Variants in GRB10 observed in about 807,000 individuals in gnomAD.
GRB10 encodes growth factor receptor-bound protein 10.
GRB10 carries 20 observed loss-of-function variants against 80.9 expected under a neutral mutation model. The observed-to-expected ratio is 0.25, with a 90% CI of 0.17 to 0.36. The LOEUF is 0.36. GRB10 is among the 10% of genes least tolerant of loss of function. The pLI is 1.00. For missense variants in GRB10, 548 were observed against 747.7 expected, an observed-to-expected ratio of 0.73 and a Z score of 3.12; for synonymous variants, 291 against 291.5, an observed-to-expected ratio of 1.00 and a Z score of 0.02.
chr7:50,775,072 G>T (rs1449682850), intron 2 of GRB10, among the ~76,000 whole-genome samples: 1 of 147,472 alleles, frequency 6.8e-6, no homozygotes, highest in African/African-American at 2.5e-5. Flanking sequence ...GAAGTGGGAA[G>T]ATAGCTTGAG....
intron 18 of GRB10, among the ~76,000 whole-genome samples, chr7:50,593,946 TAC>T (rs1241641319): frequency 6.6e-6 from 1 of 151,634 alleles, no homozygotes. Flanking sequence ...ATTTGGGCAT[TAC>T]ACACTCTGCC....
intron 3 of GRB10, among the ~76,000 whole-genome samples, chr7:50,737,757 G>A (rs1196384659): frequency 1.3e-5 from 2 of 152,224 alleles, no homozygotes; most frequent in Non-Finnish European, 2.9e-5. Context: ...GCTGAAGCAG[G>A]AGAATTGCTT....
At chr7:50,665,861 G>A (rs1047658378) in intron 7 of GRB10, among the ~76,000 whole-genome samples, 6 of 152,176 alleles carry the variant, frequency 3.9e-5, no homozygotes, top group East Asian at 1.9e-4. Context: ...CCCCCTTTGC[G>A]CCGGTGTACG....
Position 50,623,346 on chromosome 7 carries a change from T to C in GRB10, c.661+3476A>G, listed in dbSNP as rs1288658698. 8.5e-5 allele frequency among the ~76,000 whole-genome samples: 13 copies of C among 152,332 alleles called. No homozygotes were observed. In the East Asian group the frequency reaches 2.3e-3, roughly 27 times the overall value. ...GACCATCATTCACTAGGGCTTCACC[T>C]ACCAGGGCAAGGGGCTTTGCAACAA... On this transcript the variant is annotated intron_variant, in intron 8 of 18. Coordinates refer to ENST00000401949, the MANE Select transcript of GRB10 (RefSeq NM_001350814.2).
At chr7:50,678,845 T>C (rs932693511) in intron 5 of GRB10, among the ~76,000 whole-genome samples, 2 of 152,180 alleles carry the variant, frequency 1.3e-5, no homozygotes, top group African/African-American at 4.8e-5. Flanking sequence ...AGTGGATCAA[T>C]AATCACCCAT....
intron 2 of GRB10, among the ~76,000 whole-genome samples, chr7:50,757,718 G>A (rs939532986): frequency 9.2e-5 from 14 of 152,232 alleles, no homozygotes; most frequent in African/African-American, 3.4e-4. Flanking sequence ...GAGGGTCTGT[G>A]ACATGGCAAT....
intron 7 of GRB10, among the ~76,000 whole-genome samples, chr7:50,628,901 T>A (rs2053498421): frequency 2.6e-5 from 4 of 152,190 alleles, no homozygotes; most frequent in Admixed American, 6.5e-5. Flanking sequence ...GCTGAATAAG[T>A]CTACAGAAAT....
chr7:50,669,996 G>T, intron 6 of GRB10, 133 bp from the exon 7 acceptor site: 2 of 1,150,684 alleles, frequency 1.7e-6, no homozygotes, highest in Non-Finnish European at 2.5e-6. Context: ...GTTCACAGTG[G>T]CATCCTTCAC....
chr7:50,635,973 T>C (rs1479678848), intron 7 of GRB10, among the ~76,000 whole-genome samples: 2 of 110,338 alleles, frequency 1.8e-5, no homozygotes, highest in East Asian at 2.2e-4. Context: ...TTTTTTTTTT[T>C]TTTTTTTTTT....
At chr7:50,790,572 C>A (rs941079879) in intron 1 of GRB10, among the ~76,000 whole-genome samples, 1 of 152,276 alleles carries the variant, frequency 6.6e-6, no homozygotes, top group African/African-American at 2.4e-5. Flanking sequence ...CAGGCTTCCC[C>A]TCCAGGGAGC....
chr7:50,688,407 GGAGA>G (rs1250412922), intron 5 of GRB10, among the ~76,000 whole-genome samples: 1 of 152,140 alleles, frequency 6.6e-6, no homozygotes, highest in Non-Finnish European at 1.5e-5. Context: ...ATGGGCAGAG[GGAGA>G]AAGAGAAACA....
Position 50,618,108 on chromosome 7 carries a change from C to A in GRB10, c.809G>T (p.Cys270Phe). 1 of 1,614,004 alleles carries A rather than the reference C, an allele frequency of 6.2e-7. No individual in the cohort carries two copies. Among genetic ancestry groups the A allele is most frequent in the Non-Finnish European group, 8.5e-7 (1 of 1,179,936 alleles). Residue 270 changes from cysteine (C) to phenylalanine (F), a missense_variant, in exon 10 of 19, where the codon TGC becomes TTC. Physicochemically the swap from Cys to Phe is radical, Grantham distance 205. Transcript: ENST00000401949. ...NFFPEQMVTW[C>F]QQSNGSQTQL... is the part of the protein sequence containing the mutation. The stretch of plus-strand genomic sequence containing the variant: ...GGTTTGACTGCCATTTGACTGCTGG[C>A]ACCAAGTAACCATCTGTTCTGGGAA...
At chr7:50,697,148 G>C (rs535272634) in intron 5 of GRB10, among the ~76,000 whole-genome samples, 1 of 152,312 alleles carries the variant, frequency 6.6e-6, no homozygotes, top group East Asian at 1.9e-4. Flanking sequence ...CCAGGGACTG[G>C]GGAGAATTAT....
chr7:50,619,331 T>A, intron 8 of GRB10, 46 bp from the exon 9 acceptor site: 1 of 1,084,792 alleles, frequency 9.2e-7, no homozygotes, highest in Non-Finnish European at 1.4e-6. Flanking sequence ...GGTGGGAAAT[T>A]CATGGTAGCT....
At chr7:50,649,786 A>AG (rs560871513) in intron 7 of GRB10, among the ~76,000 whole-genome samples, 113 of 152,288 alleles carry the variant, frequency 7.4e-4, no homozygotes, top group African/African-American at 2.6e-3. Flanking sequence ...CTGAGTCCAA[A>AG]GGGGGAATCA....
chr7:50,612,000 T>C (rs940394555), intron 13 of GRB10, among the ~76,000 whole-genome samples: 4 of 152,174 alleles, frequency 2.6e-5, no homozygotes, highest in African/African-American at 4.8e-5. Flanking sequence ...AGAAACACTG[T>C]GGGAAATCCA....
intron 14 of GRB10, among the ~76,000 whole-genome samples, chr7:50,605,616 C>T (rs1308849396): frequency 1.3e-5 from 2 of 152,142 alleles, no homozygotes; most frequent in African/African-American, 4.8e-5. Context: ...GAAACACATT[C>T]TAGTCCTCCC....
chr7:50,743,503 G>C (rs776187823), intron 3 of GRB10, among the ~76,000 whole-genome samples: 4 of 152,254 alleles, frequency 2.6e-5, no homozygotes, highest in Non-Finnish European at 5.9e-5. Flanking sequence ...TTTGTGGGAA[G>C]CATCAAGTCC....
At chr7:50,635,039 TAATA>T (rs2054689857) in intron 7 of GRB10, among the ~76,000 whole-genome samples, 1 of 152,142 alleles carries the variant, frequency 6.6e-6, no homozygotes, top group African/African-American at 2.4e-5. Context: ...CAAATGGAAA[TAATA>T]AACATTTATA....
Sources: allele counts gnomAD v4.1 joint callset (sites outside exome capture counted in the v4.1 genomes callset), GRCh38; gene constraint gnomAD v4.1.1; transcripts MANE v1.5; gene names NCBI Gene and HGNC (gene_info 2026-07-23, HGNC 2026-07-21).